Variants in RFX3 observed in about 807,000 individuals in gnomAD.
RFX3 encodes transcription factor RFX3.
Under a neutral mutation model 98.6 loss-of-function variants are expected in RFX3, and 14 were observed. That is an observed-to-expected ratio of 0.14 (90% CI 0.09 to 0.22). The LOEUF (loss-of-function observed/expected upper bound fraction) is 0.22, where lower values mean the gene tolerates loss of function less well. Among genes scored for constraint, RFX3 ranks in the 10% least tolerant of loss-of-function variants. The pLI is 1.00. For synonymous variants in RFX3, 383 were observed against 328.4 expected, an observed-to-expected ratio of 1.17 and a Z score of -1.80; for missense variants, 639 against 926.9, an observed-to-expected ratio of 0.69 and a Z score of 4.03.
intron 4 of RFX3, among the ~76,000 whole-genome samples, chr9:3,302,461 G>C (rs2986690): frequency 0.23 from 35,452 of 151,502 alleles, 6,216 homozygotes; most frequent in African/African-American, 0.5. Context: ...ATTGCATGTT[G>C]CATTAAAAAC....
intron 1 of RFX3, among the ~76,000 whole-genome samples, chr9:3,448,912 C>T (rs986436036): frequency 6.6e-5 from 10 of 152,194 alleles, no homozygotes; most frequent in African/African-American, 2.4e-4. Flanking sequence ...CCAGAAAACT[C>T]CAAAGAAGTA....
chr9:3,514,333 C>G lies in RFX3; in HGVS notation c.-9+11414G>C, dbSNP rs551034234. Among the ~76,000 whole-genome samples, 322 of 152,302 alleles carry G rather than the reference C, an allele frequency of 2.1e-3. 1 individual carries two copies. The highest frequency in any genetic ancestry group is 6.8e-3 in the Middle Eastern group (2 of 294). ...CCAAGCAAAATGTAAATTAAAATGA[C>G]TTTCTAAATATCTACATACACATAC... On this transcript the variant is annotated intron_variant, in intron 1 of 16. Coordinates refer to ENST00000617270, the MANE Select transcript of RFX3 (RefSeq NM_001282116.2).
At chr9:3,293,347 C>T in intron 5 of RFX3, 89 bp from the exon 6 acceptor site, 3 of 897,100 alleles carry the variant, frequency 3.3e-6, no homozygotes, top group South Asian at 1.9e-5. Context: ...TACAGAAATA[C>T]TTAGAAGTTC....
intron 4 of RFX3, among the ~76,000 whole-genome samples, chr9:3,312,613 G>C (rs1407826467): frequency 6.6e-6 from 1 of 151,776 alleles, no homozygotes; most frequent in African/African-American, 2.4e-5. Flanking sequence ...GTTCCAAGAT[G>C]GCCGAATAGG....
chr9:3,235,836 A>C (rs1203498926), intron 15 of RFX3, among the ~76,000 whole-genome samples: 2 of 152,128 alleles, frequency 1.3e-5, no homozygotes, highest in Non-Finnish European at 2.9e-5. Context: ...ATCCAGGATA[A>C]TCTCCCCATT....
chr9:3,425,146 G>T (rs1288310381), intron 1 of RFX3, among the ~76,000 whole-genome samples: 1 of 152,204 alleles, frequency 6.6e-6, no homozygotes, highest in Admixed American at 6.5e-5. Flanking sequence ...GCTAAAGTGG[G>T]AAGATGCGTT....
At chr9:3,296,387 G>A (rs183634162) in intron 5 of RFX3, among the ~76,000 whole-genome samples, 16 of 151,946 alleles carry the variant, frequency 1.1e-4, no homozygotes, top group African/African-American at 3.9e-4. Context: ...TTACTCGATT[G>A]GCTATGCAGG....
chr9:3,335,799 A>C (rs771505302), intron 3 of RFX3, among the ~76,000 whole-genome samples: 1 of 152,204 alleles, frequency 6.6e-6, no homozygotes, highest in Non-Finnish European at 1.5e-5. Flanking sequence ...ATAAGGTTCT[A>C]TGTAAATGTC....
At chr9:3,333,632 A>C (rs1182824988) in intron 3 of RFX3, among the ~76,000 whole-genome samples, 1 of 152,160 alleles carries the variant, frequency 6.6e-6, no homozygotes, top group African/African-American at 2.4e-5. Flanking sequence ...TTGTCTACCG[A>C]ATATGACAGT....
chr9:3,378,555 C>CTTTTTTTTTTTTTTTTT (rs869126415), intron 2 of RFX3, among the ~76,000 whole-genome samples: 1 of 125,088 alleles, frequency 8.0e-6, no homozygotes. Context: ...TTTTTTCTTT[C>CTTTTTTTTTTTTTTTTT]TTTTTTTTTT....
At chr9:3,281,630 T>A (rs1825925938) in intron 7 of RFX3, among the ~76,000 whole-genome samples, 1 of 151,750 alleles carries the variant, frequency 6.6e-6, no homozygotes, top group African/African-American at 2.4e-5. Flanking sequence ...CAATGGGTAA[T>A]CAGTGCTAAA....
At chr9:3,363,324 A>G (rs1836675666) in intron 2 of RFX3, among the ~76,000 whole-genome samples, 1 of 152,184 alleles carries the variant, frequency 6.6e-6, no homozygotes, top group Non-Finnish European at 1.5e-5. Flanking sequence ...AACTACAGAA[A>G]ATTAAGTTTG....
At chr9:3,331,364 T>A (rs1286735186) in intron 3 of RFX3, among the ~76,000 whole-genome samples, 1 of 152,216 alleles carries the variant, frequency 6.6e-6, no homozygotes, top group East Asian at 1.9e-4. Flanking sequence ...TTATTTTCAA[T>A]TGACTATAAC....
At chr9:3,516,531 C>T (rs762389322) in intron 1 of RFX3, among the ~76,000 whole-genome samples, 7 of 152,140 alleles carry the variant, frequency 4.6e-5, no homozygotes, top group Non-Finnish European at 8.8e-5. Context: ...CAATGCTTTC[C>T]AGACCAGGGA....
At chr9:3,347,193 C>T (rs903499075) in intron 2 of RFX3, among the ~76,000 whole-genome samples, 8 of 151,966 alleles carry the variant, frequency 5.3e-5, no homozygotes, top group Admixed American at 6.5e-5. Context: ...TGGCGGCATG[C>T]GCCTGTAGTC....
chr9:3,430,435 G>A (rs1203978636), intron 1 of RFX3, among the ~76,000 whole-genome samples: 1 of 152,130 alleles, frequency 6.6e-6, no homozygotes, highest in Non-Finnish European at 1.5e-5. Context: ...ATAAGATAGA[G>A]ATATAAACAT....
chr9:3,445,522 C>T (rs1003557342), intron 1 of RFX3, among the ~76,000 whole-genome samples: 5 of 152,120 alleles, frequency 3.3e-5, no homozygotes, highest in Non-Finnish European at 7.4e-5. Flanking sequence ...TCCAATCTTA[C>T]AAAATCACTC....
chr9:3,360,271 T>TAA (rs200858827), intron 2 of RFX3, among the ~76,000 whole-genome samples: 237 of 150,798 alleles, frequency 1.6e-3, no homozygotes, highest in African/African-American at 5.6e-3. Flanking sequence ...ACTTTAAAAT[T>TAA]AAAAAAAAAC....
At chr9:3,470,496 CTTT>C (rs200370245) in intron 1 of RFX3, among the ~76,000 whole-genome samples, 3 of 143,726 alleles carry the variant, frequency 2.1e-5, no homozygotes, top group Admixed American at 2.1e-4. Context: ...TTCTTTTTTT[CTTT>C]TTTTTTTTTA....
Sources: gnomAD v4.1 joint callset for allele counts (sites outside exome capture counted in the v4.1 genomes callset) on GRCh38, gnomAD v4.1.1 for gene constraint, MANE v1.5 for transcripts, NCBI Gene and HGNC (gene_info 2026-07-23, HGNC 2026-07-21) for gene names.